Variants in ACTN4 observed in about 807,000 individuals in gnomAD.
ACTN4 encodes the protein alpha-actinin-4.
In ACTN4, 18 loss-of-function variants were observed where a neutral mutation model predicts 114.2. That is an observed-to-expected ratio of 0.16 (90% confidence interval 0.11 to 0.23). The LOEUF (loss-of-function observed/expected upper bound fraction) is 0.23. ACTN4 is among the 10% of genes least tolerant of loss of function. The pLI is 1.00. For missense variants in ACTN4, 722 were observed against 1,262.9 expected (o/e 0.57, Z 6.49); for synonymous variants, 515 against 506.3 (o/e 1.02, Z -0.23).
intron 1 of ACTN4, among the ~76,000 whole-genome samples, chr19:38,676,504 A>G (rs1967379537): frequency 6.6e-6 from 1 of 152,202 alleles, no homozygotes; most frequent in Admixed American, 6.5e-5. Context: ...GAGGGAGGCC[A>G]GGGGGCCTCA....
intron 12 of ACTN4, among the ~76,000 whole-genome samples, chr19:38,723,122 C>T (rs1969103955): frequency 6.6e-6 from 1 of 152,194 alleles, no homozygotes; most frequent in African/African-American, 2.4e-5. Context: ...AGAGGTTTGC[C>T]CAGGGTCACA....
intron 1 of ACTN4, among the ~76,000 whole-genome samples, chr19:38,696,735 A>T (rs34862518): frequency 0.053 from 8,035 of 152,182 alleles, 228 homozygotes; most frequent in South Asian, 0.095. Flanking sequence ...AAAGCAAGAC[A>T]TGGGGTGAGA....
At chr19:38,728,851 T>C in intron 19 of ACTN4, 145 bp from the exon 20 acceptor site, 1 of 1,047,678 alleles carries the variant, frequency 9.5e-7, no homozygotes, top group Non-Finnish European at 1.4e-6. Context: ...CCAAGGCTGC[T>C]GGAGCAGGCG....
chr19:38,684,899 A>AC (rs1165609287), intron 1 of ACTN4, among the ~76,000 whole-genome samples: 1 of 150,836 alleles, frequency 6.6e-6, no homozygotes, highest in Non-Finnish European at 1.5e-5. Flanking sequence ...AAAAAAAGAG[A>AC]CCCCCAAATC....
chr19:38,719,255 CACCACCTTCCCA>C (rs1311200542), intron 11 of ACTN4, among the ~76,000 whole-genome samples: 3 of 152,226 alleles, frequency 2.0e-5, no homozygotes, highest in African/African-American at 7.2e-5. Flanking sequence ...CCACTCTGGC[CACCACCTTCCCA>C]ACACAGTCTC....
At chr19:38,657,822 C>T (rs930705170) in intron 1 of ACTN4, among the ~76,000 whole-genome samples, 1 of 152,164 alleles carries the variant, frequency 6.6e-6, no homozygotes, top group Non-Finnish European at 1.5e-5. Context: ...AGCAAAATGA[C>T]AGGCCTTCTT....
At chr19:38,719,777 C>G (rs1384748531) in intron 11 of ACTN4, among the ~76,000 whole-genome samples, 1 of 152,258 alleles carries the variant, frequency 6.6e-6, no homozygotes, top group Non-Finnish European at 1.5e-5. Flanking sequence ...GCTCTTCAGT[C>G]CCTCTACAGG....
At chr19:38,659,131 G>A (rs968631338) in intron 1 of ACTN4, among the ~76,000 whole-genome samples, 3 of 139,510 alleles carry the variant, frequency 2.2e-5, no homozygotes, top group African/African-American at 7.9e-5. Context: ...TGCAATCTCG[G>A]CTCATTGCAA....
intron 1 of ACTN4, among the ~76,000 whole-genome samples, chr19:38,667,098 G>GA (rs1341756699): frequency 6.6e-6 from 1 of 152,088 alleles, no homozygotes; most frequent in Non-Finnish European, 1.5e-5. Flanking sequence ...CCTAAAAGGG[G>GA]AAAAAAACAA....
At position 38,727,183 on chromosome 19, in the gene ACTN4, C is replaced by T. The variant is rs1041768111; in HGVS notation, c.2337+80C>T. The stretch of plus-strand genomic sequence containing the variant: ...CCACACCTTCGTCTCTGCATCTGTT[C>T]GTCCATTCCCATCACAGTTGCTGAG... On this transcript the variant is annotated intron_variant, in intron 18 of 20. Coordinates refer to ENST00000252699, the MANE Select transcript of ACTN4 (RefSeq NM_004924.6). This position sits in a 1 kb window ranked among gnomAD's most constrained non-coding sequence, Gnocchi z 5.4. 20 of 1,600,728 alleles carry T rather than the reference C, an allele frequency of 1.2e-5. No homozygotes were observed. Among genetic ancestry groups the T allele is most frequent in the South Asian group, 1.0e-4 (9 of 90,008 alleles).
chr19:38,692,692 G>A (rs1462525903), intron 1 of ACTN4, among the ~76,000 whole-genome samples: 1 of 152,198 alleles, frequency 6.6e-6, no homozygotes, highest in Non-Finnish European at 1.5e-5. Flanking sequence ...CCTGAGGTCT[G>A]GCAATAGCCT....
chr19:38,690,639 C>T (rs912518793), intron 1 of ACTN4, among the ~76,000 whole-genome samples: 5 of 152,212 alleles, frequency 3.3e-5, no homozygotes, highest in Non-Finnish European at 7.3e-5. Context: ...AAAGACCCAC[C>T]GGTAACAGCC....
intron 1 of ACTN4, among the ~76,000 whole-genome samples, chr19:38,666,223 T>TCC (rs3840936): frequency 6.6e-6 from 1 of 150,898 alleles, no homozygotes; most frequent in Non-Finnish European, 1.5e-5. Flanking sequence ...TTCGCCCCTG[T>TCC]CCCCCCCAAA....
intron 1 of ACTN4, among the ~76,000 whole-genome samples, chr19:38,692,174 A>G (rs1370598917): frequency 2.0e-5 from 3 of 152,238 alleles, no homozygotes; most frequent in Admixed American, 6.5e-5. Context: ...CATAAGACGC[A>G]TTCCATATTT....
chr19:38,723,156 G>T (rs1025865321), intron 12 of ACTN4, among the ~76,000 whole-genome samples: 3 of 152,206 alleles, frequency 2.0e-5, no homozygotes, highest in African/African-American at 7.2e-5. Flanking sequence ...GTTGAGATGG[G>T]AATGGAGCCC....
chr19:38,706,031 G>A lies in ACTN4; in HGVS notation c.485-13G>A. On this transcript the variant is annotated splice_polypyrimidine_tract_variant and intron_variant, in intron 4 of 20. Coordinates refer to ENST00000252699, the MANE Select transcript of ACTN4 (RefSeq NM_004924.6). ...TTTTGAGCCAGTGCTCACTGTCTTT[G>A]TGTGTTTTGCAGAGACCTCGGCCAA... 2 of 1,613,886 alleles carry A rather than the reference G, an allele frequency of 1.2e-6. No homozygotes were observed. Among genetic ancestry groups the A allele is most frequent in the Non-Finnish European group, 1.7e-6 (2 of 1,179,782 alleles).
At chr19:38,677,135 A>G (rs1290648152) in intron 1 of ACTN4, among the ~76,000 whole-genome samples, 1 of 151,992 alleles carries the variant, frequency 6.6e-6, no homozygotes, top group Non-Finnish European at 1.5e-5. Context: ...ATGGCAGTTT[A>G]TGCTTCACTA....
chr19:38,710,226 G>C (rs753194793), intron 7 of ACTN4, 31 bp from the exon 8 acceptor site: 1 of 1,613,170 alleles, frequency 6.2e-7, no homozygotes, highest in East Asian at 2.2e-5. Flanking sequence ...CGCCCTACTC[G>C]GGCAGTTTAA....
chr19:38,679,128 G>A (rs1047816822), intron 1 of ACTN4, among the ~76,000 whole-genome samples: 1 of 152,190 alleles, frequency 6.6e-6, no homozygotes, highest in Admixed American at 6.5e-5. Context: ...GTTACATCCT[G>A]GGAAAAAGAC....
Sources: gnomAD v4.1 joint callset for allele counts (sites outside exome capture counted in the v4.1 genomes callset) on GRCh38, gnomAD v4.1.1 for gene constraint, Gnocchi (gnomAD v3.1) non-coding constraint, MANE v1.5 for transcripts, NCBI Gene and HGNC (gene_info 2026-07-23, HGNC 2026-07-21) for gene names.